The following CHST11 variants were observed in gnomAD, a reference collection of about 807,000 sequenced individuals.
CHST11 encodes carbohydrate sulfotransferase 11, also known as C4S-1.
In CHST11, 9 loss-of-function variants were observed where a neutral mutation model predicts 30.4. That is an observed-to-expected ratio of 0.30 (90% CI 0.18 to 0.52). The LOEUF (loss-of-function observed/expected upper bound fraction) is 0.52. Ranked by LOEUF, CHST11 falls within the 20% of genes least tolerant of loss-of-function variation. The pLI is 0.97. For missense variants in CHST11, 348 were observed against 460.6 expected, an observed-to-expected ratio of 0.76 and a Z score of 2.24; for synonymous variants, 152 against 187.8, an observed-to-expected ratio of 0.81 and a Z score of 1.56.
chr12:104,721,656 A>G (rs1477500190), intron 2 of CHST11, among the ~76,000 whole-genome samples: 1 of 152,182 alleles, frequency 6.6e-6, no homozygotes, highest in Non-Finnish European at 1.5e-5. Context: ...TCCCTGGTAT[A>G]AGGAGTTACG....
At chr12:104,644,918 A>G (rs1336260506) in intron 2 of CHST11, among the ~76,000 whole-genome samples, 1 of 152,228 alleles carries the variant, frequency 6.6e-6, no homozygotes, top group African/African-American at 2.4e-5. Context: ...ACCTGAGGAC[A>G]GATCACTGCA....
Position 104,610,073 on chromosome 12 carries a change from GTGTGTGTGTGTGTGTGTGTGTGTC to G in CHST11, c.204+8087_204+8110del, listed in dbSNP as rs1197244572. The stretch of plus-strand genomic sequence containing the variant: ...TGTGTGTGTGTGTGTGTGTGTGTGT[GTGTGTGTGTGTGTGTGTGTGTGTC>G]TGTGGTATGTGTTACATATATGTTC... On this transcript the variant is annotated intron_variant, in intron 2 of 2. Coordinates refer to ENST00000303694, the MANE Select transcript of CHST11 (RefSeq NM_018413.6). Among the ~76,000 whole-genome samples the G allele has an allele frequency of 8.7e-3, 1,304 of 150,358 alleles. 24 individuals carry two copies. The highest frequency in any genetic ancestry group is 0.031 in the African/African-American group (1,267 of 40,518).
intron 1 of CHST11, among the ~76,000 whole-genome samples, chr12:104,473,912 T>TCATCAC (rs1446709475): frequency 6.6e-6 from 1 of 151,866 alleles, no homozygotes; most frequent in Non-Finnish European, 1.5e-5. Context: ...AACATCACCA[T>TCATCAC]CATCACCACC....
intron 2 of CHST11, among the ~76,000 whole-genome samples, chr12:104,662,785 T>G (rs2039608922): frequency 6.6e-6 from 1 of 152,162 alleles, no homozygotes; most frequent in African/African-American, 2.4e-5. Flanking sequence ...GTAATACAAG[T>G]AGGGTTTATT....
At position 104,681,931 on chromosome 12, in the gene CHST11, C is replaced by T. The variant is rs557136910; in HGVS notation, c.205-75018C>T. The stretch of plus-strand genomic sequence containing the variant: ...CTGCGAGCTCTGCCTCCCAGGTTCA[C>T]GCCATTCTCCTGCCTCAGCCTCCCG... On this transcript the variant is annotated intron_variant, in intron 2 of 2. Transcript: ENST00000303694. 4.1e-3 allele frequency among the ~76,000 whole-genome samples: 610 copies of T among 150,240 alleles called. 3 individuals are homozygous for T. Among genetic ancestry groups the T allele is most frequent in the African/African-American group, 0.014 (568 of 40,744 alleles).
intron 2 of CHST11, among the ~76,000 whole-genome samples, chr12:104,685,017 A>G (rs1225588052): frequency 6.6e-6 from 1 of 152,258 alleles, no homozygotes; most frequent in African/African-American, 2.4e-5. Context: ...TCACTTTGGC[A>G]TTCCTCCAAC....
At chr12:104,632,603 G>C (rs187424434) in intron 2 of CHST11, among the ~76,000 whole-genome samples, 1 of 152,348 alleles carries the variant, frequency 6.6e-6, no homozygotes, top group Admixed American at 6.5e-5. Context: ...GGAACCTCCT[G>C]AAATCACTTT....
chr12:104,691,489 A>ATTT (rs527650779), intron 2 of CHST11, among the ~76,000 whole-genome samples: 12 of 137,116 alleles, frequency 8.8e-5, no homozygotes, highest in African/African-American at 2.8e-4. Flanking sequence ...TAGAGGCACA[A>ATTT]TTTTTTTTTT....
At chr12:104,496,751 A>G (rs1247001618) in intron 1 of CHST11, among the ~76,000 whole-genome samples, 1 of 152,006 alleles carries the variant, frequency 6.6e-6, no homozygotes, top group Non-Finnish European at 1.5e-5. Context: ...TTTAAACAAG[A>G]CAAAGAAAAT....
intron 1 of CHST11, among the ~76,000 whole-genome samples, chr12:104,545,842 T>TTC (rs1383436793): frequency 3.9e-5 from 6 of 151,930 alleles, no homozygotes; most frequent in Non-Finnish European, 8.8e-5. Flanking sequence ...TCTCTTTTTT[T>TTC]AAAAGCAGCA....
intron 2 of CHST11, among the ~76,000 whole-genome samples, chr12:104,738,003 C>T (rs2040315262): frequency 6.6e-6 from 1 of 152,168 alleles, no homozygotes; most frequent in Non-Finnish European, 1.5e-5. Flanking sequence ...CCCGATCCTA[C>T]TTGCTTTTTT....
At chr12:104,735,344 G>A (rs367763547) in intron 2 of CHST11, among the ~76,000 whole-genome samples, 14 of 152,178 alleles carry the variant, frequency 9.2e-5, no homozygotes, top group African/African-American at 3.4e-4. Context: ...CTTGGCACCT[G>A]GCACTCAAAA....
At chr12:104,489,299 A>G (rs905813984) in intron 1 of CHST11, among the ~76,000 whole-genome samples, 4 of 152,014 alleles carry the variant, frequency 2.6e-5, no homozygotes, top group Admixed American at 6.6e-5. Flanking sequence ...GGCCTCCCCA[A>G]GTGCTGGGAT....
chr12:104,615,494 C>G (rs1387688193), intron 2 of CHST11, among the ~76,000 whole-genome samples: 1 of 152,234 alleles, frequency 6.6e-6, no homozygotes, highest in East Asian at 1.9e-4. Context: ...TGAGGCCACA[C>G]AGCCTAGAAG....
chr12:104,474,962 T>G (rs1175803985), intron 1 of CHST11, among the ~76,000 whole-genome samples: 1 of 152,220 alleles, frequency 6.6e-6, no homozygotes, highest in Admixed American at 6.5e-5. Flanking sequence ...TTCATATTTT[T>G]GGGTTCTGAG....
At position 104,468,678 on chromosome 12, in the gene CHST11, G is replaced by T. The variant is rs935345274; in HGVS notation, c.118+11149G>T. Among the ~76,000 whole-genome samples, 4 of 152,328 alleles carry T rather than the reference G, an allele frequency of 2.6e-5. No homozygotes were observed. In the East Asian group the frequency reaches 7.7e-4, roughly 29 times the overall value. On this transcript the variant is annotated intron_variant, in intron 1 of 2. Coordinates refer to ENST00000303694, the MANE Select transcript of CHST11 (RefSeq NM_018413.6). ...CTTGAGAAACAGCTCAAAACTCTAT[G>T]TGTAAACAGCATCTGGCGTAGTACT...
chr12:104,647,172 T>TCCCTCTTA lies in CHST11; in HGVS notation c.204+45184_204+45191dup, dbSNP rs2039441922. On this transcript the variant is annotated intron_variant, in intron 2 of 2. Coordinates refer to ENST00000303694, the MANE Select transcript of CHST11 (RefSeq NM_018413.6). ...TGCTGCAAGTGGAGGCTCCTGAAGG[T>TCCCTCTTA]CCCTCTTACCTCCACGATTCTCTGG... 3.3e-5 allele frequency among the ~76,000 whole-genome samples: 5 copies of TCCCTCTTA among 152,290 alleles called. No homozygotes were observed. The South Asian group carries it at 1.0e-3, about 32-fold the overall frequency.
intron 1 of CHST11, among the ~76,000 whole-genome samples, chr12:104,464,157 T>A (rs537480729): frequency 1.3e-5 from 2 of 150,134 alleles, no homozygotes; most frequent in African/African-American, 4.9e-5. Flanking sequence ...AACCTCTGCC[T>A]CCTGGGCCCA....
chr12:104,612,327 T>G (rs1315159326), intron 2 of CHST11, among the ~76,000 whole-genome samples: 4 of 152,278 alleles, frequency 2.6e-5, no homozygotes, highest in Non-Finnish European at 5.9e-5. Flanking sequence ...CAGGCCTGTC[T>G]GTTAGCTTCC....
Sources: gnomAD v4.1 joint callset for allele counts (sites outside exome capture counted in the v4.1 genomes callset) on GRCh38, gnomAD v4.1.1 for gene constraint, MANE v1.5 for transcripts, NCBI Gene and HGNC (gene_info 2026-07-23, HGNC 2026-07-21) for gene names.